Variants in GNAZ observed in about 807,000 individuals in gnomAD.
The protein encoded by GNAZ is G protein subunit alpha z, also known as guanine nucleotide-binding protein G(z) subunit alpha.
In GNAZ, 3 loss-of-function variants were observed where a neutral mutation model predicts 25.4. That is an observed-to-expected ratio of 0.12 (90% CI 0.05 to 0.30). The LOEUF (loss-of-function observed/expected upper bound fraction) is 0.30. Ranked by LOEUF, GNAZ falls within the 10% of genes least tolerant of loss-of-function variation. The pLI is 1.00. For synonymous variants in GNAZ, 211 were observed against 205.7 expected, an observed-to-expected ratio of 1.03 and a Z score of -0.22; for missense variants, 241 against 501.8, an observed-to-expected ratio of 0.48 and a Z score of 4.97.
Position 23,123,613 on chromosome 22 carries a change from C to G in GNAZ, c.*182C>G. On this transcript the variant is annotated 3_prime_UTR_variant, in exon 3 of 3. Coordinates refer to ENST00000615612, the MANE Select transcript of GNAZ (RefSeq NM_002073.4). ...AACATAAATATTTACGGATAGATTG[C>G]TAGGTAGATAGACACACACACATGC... 2 of 598,144 alleles carry G rather than the reference C, an allele frequency of 3.3e-6. No homozygotes were observed. Among genetic ancestry groups the G allele is most frequent in the Non-Finnish European group, 6.0e-6 (2 of 335,770 alleles). The allele number at this position is 598,144 out of a possible 1,614,324, so 37.1% of individuals were successfully genotyped here.
At chr22:23,104,312 G>A (rs566186857) in intron 2 of GNAZ, among the ~76,000 whole-genome samples, 1 of 152,314 alleles carries the variant, frequency 6.6e-6, no homozygotes, top group South Asian at 2.1e-4. Flanking sequence ...AGCGCCCTGT[G>A]ATGACGGAGC....
Position 23,091,612 on chromosome 22 carries a change from G to A in GNAZ, c.-449-3635G>A, listed in dbSNP as rs117645920. On this transcript the variant is annotated intron_variant, in intron 1 of 2. Transcript: ENST00000615612. Reference sequence around the variant, plus strand: ...CACACACAGGCACCTATGCATACACGCATATGCACCGCAATGGACCTGCAT... The same window carrying A: ...CACACACAGGCACCTATGCATACACACATATGCACCGCAATGGACCTGCAT... Among the ~76,000 whole-genome samples the A allele has an allele frequency of 7.2e-4, 108 of 149,866 alleles. 3 individuals carry two copies. In the East Asian group the frequency reaches 0.019, roughly 26 times the overall value.
Position 23,104,231 on chromosome 22 carries a change from A to G in GNAZ, c.723+7813A>G, listed in dbSNP as rs117558709. On this transcript the variant is annotated intron_variant, in intron 2 of 2. Transcript: ENST00000615612. ...CGGAGGACCAGGCGGTGTAAGGTCT[A>G]AGCAGGCAGGGCAAGGTCGCAGGCA... 4.2e-3 allele frequency among the ~76,000 whole-genome samples: 637 copies of G among 152,294 alleles called. 10 individuals carry two copies. The highest frequency in any genetic ancestry group is 0.027 in the East Asian group (140 of 5,178).
intron 2 of GNAZ, among the ~76,000 whole-genome samples, chr22:23,121,719 C>A (rs1038458455): frequency 7.0e-5 from 9 of 127,952 alleles, no homozygotes; most frequent in Non-Finnish European, 1.3e-4. Flanking sequence ...CAGAAAAGTT[C>A]CTTTTTTTTT....
chr22:23,100,784 T>C (rs1237570381), intron 2 of GNAZ, among the ~76,000 whole-genome samples: 1 of 152,154 alleles, frequency 6.6e-6, no homozygotes, highest in Non-Finnish European at 1.5e-5. Context: ...GGCTTCTGGG[T>C]GCAGAGCAGC....
chr22:23,112,667 G>C (rs762970634), intron 2 of GNAZ, among the ~76,000 whole-genome samples: 1 of 152,204 alleles, frequency 6.6e-6, no homozygotes, highest in Non-Finnish European at 1.5e-5. Flanking sequence ...AAACACCAGC[G>C]GGGTGGGAAT....
intron 2 of GNAZ, among the ~76,000 whole-genome samples, chr22:23,114,726 G>T (rs959813625): frequency 3.3e-5 from 5 of 152,178 alleles, no homozygotes; most frequent in African/African-American, 1.2e-4. Context: ...TTGGAGGGGG[G>T]ACAGGTTCAG....
chr22:23,074,816 G>T (rs1420769830), intron 1 of GNAZ, among the ~76,000 whole-genome samples: 5 of 152,172 alleles, frequency 3.3e-5, no homozygotes, highest in Admixed American at 6.5e-5. Context: ...GGCAGGGCAT[G>T]CCCAGGGACT....
At position 23,124,519 on chromosome 22, in the gene GNAZ, A is replaced by C. The variant is rs1023926949; in HGVS notation, c.*1088A>C. The C allele has an allele frequency of 3.0e-5, 10 of 333,900 alleles. No homozygotes were observed. The highest frequency in any genetic ancestry group is 2.2e-4 in the African/African-American group (10 of 44,740). The allele number at this position is 333,900 out of a possible 1,614,324, so 20.7% of individuals were successfully genotyped here. A position where few individuals can be genotyped will look rare whatever the true frequency, so the allele number is the denominator to read the frequency against. ...TTTTCTGCTTTGTTTTTATTTAAGA[A>C]AATAAACACGACATATTTAAAGAAG... On this transcript the variant is annotated 3_prime_UTR_variant, in exon 3 of 3. Coordinates refer to ENST00000615612, the MANE Select transcript of GNAZ (RefSeq NM_002073.4).
intron 2 of GNAZ, among the ~76,000 whole-genome samples, chr22:23,102,242 G>A (rs1361021232): frequency 2.6e-5 from 4 of 152,202 alleles, no homozygotes; most frequent in Admixed American, 1.3e-4. Context: ...GTATCTGCTC[G>A]CCTAGGGTCC....
Position 23,123,487 on chromosome 22 carries a change from C to A in GNAZ, c.*56C>A. ...GTGAAACCCACGGGGTGTCATGCCC[C>A]AACGCGTGCTAGAGAGGCCCAATCC... On this transcript the variant is annotated 3_prime_UTR_variant, in exon 3 of 3. Transcript: ENST00000615612. 8.4e-7 allele frequency: 1 copy of A among 1,189,624 alleles called. No individual in the cohort carries two copies. Among genetic ancestry groups the A allele is most frequent in the Non-Finnish European group, 1.2e-6 (1 of 822,516 alleles). 73.7% of individuals were successfully genotyped at this position (1,189,624 alleles called of 1,614,324 possible).
At chr22:23,110,738 C>G (rs558094515) in intron 2 of GNAZ, among the ~76,000 whole-genome samples, 1 of 152,206 alleles carries the variant, frequency 6.6e-6, no homozygotes, top group Non-Finnish European at 1.5e-5. Flanking sequence ...AACAGCAGTG[C>G]GTCTGCAGAG....
intron 2 of GNAZ, among the ~76,000 whole-genome samples, chr22:23,104,898 C>A (rs2069415435): frequency 6.6e-6 from 1 of 152,196 alleles, no homozygotes; most frequent in South Asian, 2.1e-4. Context: ...TGGCCCTGGG[C>A]ATCTCAGGGG....
At chr22:23,085,196 A>T (rs1394883004) in intron 1 of GNAZ, among the ~76,000 whole-genome samples, 1 of 152,148 alleles carries the variant, frequency 6.6e-6, no homozygotes, top group African/African-American at 2.4e-5. Flanking sequence ...TGATGTCCTC[A>T]GCGATTCCTC....
chr22:23,112,251 A>T (rs571993017), intron 2 of GNAZ, among the ~76,000 whole-genome samples: 72 of 152,284 alleles, frequency 4.7e-4, no homozygotes, highest in Non-Finnish European at 6.2e-4. Context: ...CAGCTGCCAC[A>T]GCCCCAGGCC....
intron 2 of GNAZ, among the ~76,000 whole-genome samples, chr22:23,099,465 C>A (rs1453326791): frequency 6.6e-6 from 1 of 152,272 alleles, no homozygotes; most frequent in Non-Finnish European, 1.5e-5. Flanking sequence ...CACAGGAGGC[C>A]TGAACACAGC....
intron 2 of GNAZ, among the ~76,000 whole-genome samples, chr22:23,110,176 A>G (rs2069606041): frequency 6.6e-6 from 1 of 152,110 alleles, no homozygotes; most frequent in Non-Finnish European, 1.5e-5. Context: ...TCCTTGGGGC[A>G]AGGGTAGTGG....
At position 23,124,552 on chromosome 22, in the gene GNAZ, C is replaced by A; in HGVS notation, c.*1121C>A. On this transcript the variant is annotated 3_prime_UTR_variant, in exon 3 of 3. Transcript: ENST00000615612. The stretch of plus-strand genomic sequence containing the variant: ...ACGACATATTTAAAGAAGGTTCTTT[C>A]ACCTGGGAGCAAATGAACAATAGCT... 3.7e-6 allele frequency: 1 copy of A among 267,308 alleles called. No individual in the cohort carries two copies. Among genetic ancestry groups the A allele is most frequent in the South Asian group, 3.1e-5 (1 of 32,434 alleles). The allele number at this position is 267,308 out of a possible 1,614,324, so 16.6% of individuals were successfully genotyped here. A position where few individuals can be genotyped will look rare whatever the true frequency, so the allele number is the denominator to read the frequency against.
At chr22:23,082,902 C>G (rs746557082) in intron 1 of GNAZ, among the ~76,000 whole-genome samples, 21 of 152,112 alleles carry the variant, frequency 1.4e-4, no homozygotes, top group Admixed American at 3.3e-4. Context: ...TGTCTTCCCC[C>G]CAAACCTTGC....
Sources: allele counts gnomAD v4.1 joint callset (sites outside exome capture counted in the v4.1 genomes callset), GRCh38; gene constraint gnomAD v4.1.1; transcripts MANE v1.5; gene names NCBI Gene and HGNC (gene_info 2026-07-23, HGNC 2026-07-21).